PTPN12: variants seen among roughly 807,000 people sequenced by gnomAD.
PTPN12 encodes protein tyrosine phosphatase non-receptor type 12, also known as tyrosine-protein phosphatase non-receptor type 12.
A neutral mutation model predicts 97.6 loss-of-function variants in PTPN12; 29 were observed. The ratio of observed to expected loss-of-function variants is 0.30; its 90% confidence interval spans 0.22 to 0.41. PTPN12 has a LOEUF of 0.41. PTPN12 is among the 10% of genes least tolerant of loss of function. The pLI, the probability that PTPN12 is intolerant of heterozygous loss-of-function variation, is 1.00. For missense variants in PTPN12, 819 were observed against 926.0 expected (o/e 0.88, Z 1.50); for synonymous variants, 327 against 300.4 (o/e 1.09, Z -0.91).
rs565897943 is a variant in PTPN12, at chr7:77,557,675, C to G, written c.100-13403C>G. 9.9e-5 allele frequency among the ~76,000 whole-genome samples: 15 copies of G among 152,152 alleles called. No homozygotes were observed. The East Asian group carries it at 2.9e-3, about 29-fold the overall frequency. On this transcript the variant is annotated intron_variant, in intron 1 of 17. Coordinates refer to ENST00000248594, the MANE Select transcript of PTPN12 (RefSeq NM_002835.4). ...GTCACATACTGTTAGAAGGGTCATA[C>G]AAGGCTTTATAGAAAGGATTTTTAA... is the stretch of plus-strand genomic sequence containing the variant.
At chr7:77,569,580 G>T (rs1206532327) in intron 1 of PTPN12, among the ~76,000 whole-genome samples, 1 of 152,104 alleles carries the variant, frequency 6.6e-6, no homozygotes, top group Non-Finnish European at 1.5e-5. Context: ...AGACCAGCCT[G>T]GATAACATAG....
intron 1 of PTPN12, among the ~76,000 whole-genome samples, chr7:77,555,218 CT>C (rs199567759): frequency 0.015 from 2,122 of 138,314 alleles, 27 homozygotes; most frequent in African/African-American, 0.037. Context: ...ATTTGTTTAT[CT>C]TTTTTTTTTT....
At chr7:77,596,783 T>C (rs1181103784) in intron 6 of PTPN12, among the ~76,000 whole-genome samples, 2 of 152,184 alleles carry the variant, frequency 1.3e-5, no homozygotes, top group African/African-American at 4.8e-5. Context: ...AGATTTCTTA[T>C]ATACACCCTG....
chr7:77,597,363 T>C (rs1187839762), intron 6 of PTPN12, among the ~76,000 whole-genome samples: 8 of 152,180 alleles, frequency 5.3e-5, no homozygotes, highest in Non-Finnish European at 1.2e-4. Context: ...CCTCAAGTGA[T>C]CCACCTGCCT....
intron 2 of PTPN12, among the ~76,000 whole-genome samples, chr7:77,577,160 G>A (rs559057777): frequency 2.5e-4 from 38 of 152,242 alleles, no homozygotes; most frequent in African/African-American, 7.9e-4. Context: ...GTTGCTCACC[G>A]CTTCCTTCCA....
intron 8 of PTPN12, among the ~76,000 whole-genome samples, chr7:77,603,452 T>C (rs914143566): frequency 1.3e-5 from 2 of 152,234 alleles, no homozygotes; most frequent in Non-Finnish European, 2.9e-5. Context: ...CGAGAATGTG[T>C]CCTTTCAGTG....
chr7:77,609,534 T>G (rs1442865234), intron 9 of PTPN12, among the ~76,000 whole-genome samples: 1 of 151,656 alleles, frequency 6.6e-6, no homozygotes, highest in Non-Finnish European at 1.5e-5. Flanking sequence ...CCTCTCAAAG[T>G]GCTGGGATTA....
intron 1 of PTPN12, among the ~76,000 whole-genome samples, chr7:77,554,686 T>A (rs1807623636): frequency 6.6e-6 from 1 of 152,200 alleles, no homozygotes. Context: ...TCTCTTAATC[T>A]TTTCTGGGGG....
chr7:77,607,460 C>T (rs1788411270), intron 9 of PTPN12, 159 bp downstream of exon 9: 4 of 549,666 alleles, frequency 7.3e-6, no homozygotes, highest in Non-Finnish European at 9.2e-6. Flanking sequence ...AGGCCGGGCA[C>T]AGTGGCTTAC....
chr7:77,606,740 CTTGCAAGAT>C (rs888254235), intron 8 of PTPN12, among the ~76,000 whole-genome samples: 5 of 152,178 alleles, frequency 3.3e-5, no homozygotes, highest in Admixed American at 3.3e-4. Context: ...GTATGTCCTG[CTTGCAAGAT>C]AAATCATCCC....
rs1165831291 is a variant in PTPN12 at position 77,537,544 on chromosome 7, A to T, written c.-3A>T. ...GCGACCGCAGCCGGGGGGACGCGGG[A>T]GGATGGAGCAAGTGGAGATCCTGAG... On this transcript the variant is annotated 5_prime_UTR_variant, in exon 1 of 18. Transcript: ENST00000248594. 4 of 1,587,884 alleles carry T rather than the reference A, an allele frequency of 2.5e-6. No homozygotes were observed. The highest frequency in any genetic ancestry group is 3.4e-6 in the Non-Finnish European group (4 of 1,169,248).
At chr7:77,638,773 T>G (rs777291276) in intron 17 of PTPN12, 42 bp downstream of exon 17, 1 of 1,559,000 alleles carries the variant, frequency 6.4e-7, no homozygotes, top group Non-Finnish European at 8.6e-7. Flanking sequence ...TAGTTAACAC[T>G]GGCAGGAATG....
At chr7:77,582,795 A>AG (rs1395134331) in intron 3 of PTPN12, among the ~76,000 whole-genome samples, 1 of 152,044 alleles carries the variant, frequency 6.6e-6, no homozygotes, top group African/African-American at 2.4e-5. Flanking sequence ...AAAAAAAAAA[A>AG]AAAAGTTTAT....
intron 1 of PTPN12, chr7:77,538,688 A>T (rs937168542): frequency 6.6e-6 from 1 of 152,388 alleles, no homozygotes; most frequent in Non-Finnish European, 1.5e-5. Context: ...GCGTGAGACC[A>T]GAAGTCGACT....
chr7:77,618,422 A>T, intron 11 of PTPN12, 58 bp from the exon 12 acceptor site: 1 of 1,163,440 alleles, frequency 8.6e-7, no homozygotes, highest in Admixed American at 2.2e-5. Flanking sequence ...TAGTTGAAAC[A>T]TGAAGAGGAA....
chr7:77,600,810 C>G lies in PTPN12; in HGVS notation c.695+4C>G. ...TTCCTATTTGTATTCATTGCAGGTA[C>G]AAAAGAATTTCCCAAGTTTATAAAT... On this transcript the variant is annotated splice_donor_region_variant and intron_variant, in intron 8 of 17. Coordinates refer to ENST00000248594, the MANE Select transcript of PTPN12 (RefSeq NM_002835.4). 1 of 1,579,878 alleles carries G rather than the reference C, an allele frequency of 6.3e-7. No individual in the cohort carries two copies. The highest frequency in any genetic ancestry group is 8.6e-7 in the Non-Finnish European group (1 of 1,166,774).
chr7:77,630,660 A>C (rs1323863201), intron 13 of PTPN12, among the ~76,000 whole-genome samples: 1 of 152,198 alleles, frequency 6.6e-6, no homozygotes, highest in East Asian at 1.9e-4. Flanking sequence ...GCATGACTAT[A>C]ATGGAATACT....
At chr7:77,573,082 C>CAAAAACA (rs1787203475) in intron 2 of PTPN12, among the ~76,000 whole-genome samples, 1 of 36,388 alleles carries the variant, frequency 2.7e-5, no homozygotes, top group East Asian at 1.7e-3. Context: ...GACTCTATCT[C>CAAAAACA]AAAAAAAAAA....
intron 6 of PTPN12, among the ~76,000 whole-genome samples, chr7:77,595,149 G>T (rs1287946164): frequency 2.6e-5 from 4 of 152,176 alleles, no homozygotes; most frequent in African/African-American, 9.7e-5. Context: ...TAACGACTTG[G>T]TTTAATTTGT....
Sources: gnomAD v4.1 joint callset for allele counts (sites outside exome capture counted in the v4.1 genomes callset) on GRCh38, gnomAD v4.1.1 for gene constraint, MANE v1.5 for transcripts, NCBI Gene and HGNC (gene_info 2026-07-23, HGNC 2026-07-21) for gene names.